The following WDR37 variants were observed in gnomAD, a reference collection of about 807,000 sequenced individuals.
WDR37 encodes WD repeat domain 37.
A neutral mutation model predicts 62.9 loss-of-function variants in WDR37; 19 were observed. The ratio of observed to expected loss-of-function variants is 0.30; its 90% CI spans 0.21 to 0.44. The LOEUF (loss-of-function observed/expected upper bound fraction) is 0.44. Ranked by LOEUF, WDR37 falls within the 20% of genes least tolerant of loss-of-function variation. The probability of loss-of-function intolerance (pLI) is 1.00; values close to 1 mark genes in which losing one functional copy is unlikely to be tolerated. For synonymous variants in WDR37, 250 were observed against 260.9 expected, an observed-to-expected ratio of 0.96 and a Z score of 0.40; for missense variants, 474 against 657.6, an observed-to-expected ratio of 0.72 and a Z score of 3.05.
chr10:1,080,579 G>A (rs1833997210), intron 5 of WDR37, 103 bp downstream of exon 5: 2 of 1,346,688 alleles, frequency 1.5e-6, no homozygotes, highest in Non-Finnish European at 2.1e-6. Flanking sequence ...AGCAGAAAAA[G>A]ATAAATGGTT....
intron 13 of WDR37, 46 bp from the exon 14 acceptor site, chr10:1,129,167 C>T (rs1835900558): frequency 1.2e-6 from 2 of 1,601,032 alleles, no homozygotes; most frequent in Admixed American, 3.4e-5. Flanking sequence ...TATAATCTTA[C>T]TTTCGGGAAT....
rs74120454 is a variant in WDR37 at position 1,087,109 on chromosome 10, C to T, written c.604+752C>T. Among the ~76,000 whole-genome samples the T allele has an allele frequency of 5.4e-3, 823 of 152,360 alleles. 10 individuals carry two copies. The highest frequency in any genetic ancestry group is 0.019 in the African/African-American group (777 of 41,588). On this transcript the variant is annotated intron_variant, in intron 7 of 13. Transcript: ENST00000263150. Reference sequence around the variant, plus strand: ...GCTGTGGAGCCTTCCCCTCCCCTTTCCCAGGACCTCCTCTCCTTTGGCCAT... The same window carrying T: ...GCTGTGGAGCCTTCCCCTCCCCTTTTCCAGGACCTCCTCTCCTTTGGCCAT...
chr10:1,061,336 C>T (rs1363219793), intron 1 of WDR37, among the ~76,000 whole-genome samples: 1 of 152,126 alleles, frequency 6.6e-6, no homozygotes. Flanking sequence ...TCCCTCTTCC[C>T]ATGATACCAA....
Position 1,130,665 on chromosome 10 carries a change from C to T in WDR37, c.*1321C>T, listed in dbSNP as rs1243575906. 1.3e-5 allele frequency: 2 copies of T among 152,230 alleles called. No homozygotes were observed. The highest frequency in any genetic ancestry group is 2.9e-5 in the Non-Finnish European group (2 of 68,054). The allele number at this position is 152,230 out of a possible 1,614,324, so 9.4% of individuals were successfully genotyped here. A position where few individuals can be genotyped will look rare whatever the true frequency, so the allele number is the denominator to read the frequency against. ...CCTGGAGGCTCACCACTTGGAGAGACACAGGAAGGTAATATTTACAGCTGT... is the reference window on the plus strand; with the variant it reads ...CCTGGAGGCTCACCACTTGGAGAGATACAGGAAGGTAATATTTACAGCTGT... On this transcript the variant is annotated 3_prime_UTR_variant, in exon 14 of 14. Transcript: ENST00000263150.
In WDR37 at chr10:1,124,462, G is replaced by A. The variant is rs1589125908; in HGVS notation, c.1238+110G>A. ...TAATTGATAGAACCCCGGGAACAAT[G>A]GTTTAGGCTCCTTTGTCCTCTAATG... is the stretch of plus-strand genomic sequence containing the variant. On this transcript the variant is annotated intron_variant, in intron 12 of 13. Transcript: ENST00000263150. 3.4e-6 allele frequency: 5 copies of A among 1,465,506 alleles called. No homozygotes were observed. The East Asian group carries it at 9.2e-5, about 27-fold the overall frequency. The allele number at this position is 1,465,506 out of a possible 1,614,324, so 90.8% of individuals were successfully genotyped here. A position where few individuals can be genotyped will look rare whatever the true frequency, so the allele number is the denominator to read the frequency against.
At chr10:1,066,311 T>C (rs1423988324) in intron 1 of WDR37, among the ~76,000 whole-genome samples, 6 of 152,044 alleles carry the variant, frequency 3.9e-5, no homozygotes, top group Admixed American at 6.6e-5. Context: ...AGAGACGGGG[T>C]TTCACCGTGT....
chr10:1,070,207 CAA>C (rs35167375), intron 1 of WDR37, among the ~76,000 whole-genome samples: 169 of 93,844 alleles, frequency 1.8e-3, no homozygotes, highest in Middle Eastern at 0.013. Flanking sequence ...GACTCTGTCT[CAA>C]AAAAAAAAAA....
chr10:1,080,878 C>T (rs1834005401), intron 5 of WDR37, among the ~76,000 whole-genome samples: 1 of 151,570 alleles, frequency 6.6e-6, no homozygotes, highest in African/African-American at 2.4e-5. Flanking sequence ...CGCACTCTAG[C>T]CTGGGCAACA....
At chr10:1,085,399 G>A (rs994804666) in intron 6 of WDR37, among the ~76,000 whole-genome samples, 1 of 152,222 alleles carries the variant, frequency 6.6e-6, no homozygotes, top group African/African-American at 2.4e-5. Flanking sequence ...ACCTGGGCAC[G>A]TAGCCAGCAG....
intron 5 of WDR37, among the ~76,000 whole-genome samples, chr10:1,084,187 C>T (rs7093837): frequency 0.09 from 13,673 of 152,162 alleles, 1,235 homozygotes; most frequent in African/African-American, 0.24. Flanking sequence ...CAGGTCGCCG[C>T]GAGAGCTGCA....
At chr10:1,086,518 C>G (rs2131633335) in intron 7 of WDR37, among the ~76,000 whole-genome samples, 161 bp downstream of exon 7, 1 of 152,332 alleles carries the variant, frequency 6.6e-6, no homozygotes, top group Non-Finnish European at 1.5e-5. Flanking sequence ...ATAACTCTGT[C>G]TTGAGCTTGT....
chr10:1,098,569 C>T (rs1184226099), intron 9 of WDR37, among the ~76,000 whole-genome samples: 4 of 152,294 alleles, frequency 2.6e-5, no homozygotes, highest in African/African-American at 9.6e-5. Context: ...TCGTGATCCG[C>T]CCTCCTCGGC....
Position 1,105,053 on chromosome 10 carries a change from T to C in WDR37, c.962-73T>C. 1 of 1,569,452 alleles carries C rather than the reference T, an allele frequency of 6.4e-7. No homozygotes were observed. The highest frequency in any genetic ancestry group is 8.7e-7 in the Non-Finnish European group (1 of 1,148,316). On this transcript the variant is annotated intron_variant, in intron 10 of 13. Coordinates refer to ENST00000263150, the MANE Select transcript of WDR37 (RefSeq NM_014023.4). The surrounding 1 kb of genome is among the most constrained non-coding windows in gnomAD (Gnocchi z 5.3). ...TCAGAGAGACGGCTTCTTGGGTTCT[T>C]GTGCTGTTGAAAAGCGTCTCTCTCA... is the stretch of plus-strand genomic sequence containing the variant.
intron 13 of WDR37, among the ~76,000 whole-genome samples, chr10:1,126,153 CG>C (rs1282180562): frequency 6.6e-6 from 1 of 152,132 alleles, no homozygotes; most frequent in Non-Finnish European, 1.5e-5. Flanking sequence ...CGCCTGTAAT[CG>C]TAGCACTTTG....
chr10:1,093,366 C>CT (rs1834464790), intron 7 of WDR37, 86 bp from the exon 8 acceptor site: 2 of 1,075,608 alleles, frequency 1.9e-6, no homozygotes, highest in African/African-American at 3.2e-5. Context: ...TTAATGTTGA[C>CT]TTTGAAATAC....
rs779394431 is a variant in WDR37, at chr10:1,121,757, A to T, written c.1104-2461A>T. Among the ~76,000 whole-genome samples the T allele has an allele frequency of 6.6e-6, 1 of 152,204 alleles. No homozygotes were observed. Among genetic ancestry groups the T allele is most frequent in the Non-Finnish European group, 1.5e-5 (1 of 68,028 alleles). Reference sequence around the variant, plus strand: ...CCACAGGGAAGGGCCCCGACCAGACATCAGGTCCTAGCGGGGGAATAAGTG... The same window carrying T: ...CCACAGGGAAGGGCCCCGACCAGACTTCAGGTCCTAGCGGGGGAATAAGTG... On this transcript the variant is annotated intron_variant, in intron 11 of 13. Coordinates refer to ENST00000263150, the MANE Select transcript of WDR37 (RefSeq NM_014023.4). This position sits in a 1 kb window ranked among gnomAD's most constrained non-coding sequence, Gnocchi z 4.5.
chr10:1,091,368 T>A (rs1834382757), intron 7 of WDR37, among the ~76,000 whole-genome samples: 1 of 152,224 alleles, frequency 6.6e-6, no homozygotes, highest in Non-Finnish European at 1.5e-5. Context: ...GTGCTTAAGT[T>A]TATTGCTTAT....
At chr10:1,067,985 C>G (rs759161769) in intron 1 of WDR37, among the ~76,000 whole-genome samples, 1 of 152,170 alleles carries the variant, frequency 6.6e-6, no homozygotes, top group Non-Finnish European at 1.5e-5. Flanking sequence ...AAAGTCATGT[C>G]TCATGTTCTC....
At chr10:1,066,755 C>T (rs570838198) in intron 1 of WDR37, among the ~76,000 whole-genome samples, 2 of 152,262 alleles carry the variant, frequency 1.3e-5, no homozygotes, top group South Asian at 4.2e-4. Flanking sequence ...AAAGACATAC[C>T]TGAGATTGGG....
Sources: allele counts gnomAD v4.1 joint callset (sites outside exome capture counted in the v4.1 genomes callset), GRCh38; gene constraint gnomAD v4.1.1; non-coding constraint Gnocchi (gnomAD v3.1); transcripts MANE v1.5; gene names NCBI Gene and HGNC (gene_info 2026-07-23, HGNC 2026-07-21).